The following SGK3 variants were observed in gnomAD, a reference collection of about 807,000 sequenced individuals.
The protein encoded by SGK3 is serum/glucocorticoid regulated kinase family member 3, also known as serine/threonine-protein kinase Sgk3.
Under a neutral mutation model 68.5 loss-of-function variants are expected in SGK3, and 47 were observed. The ratio of observed to expected loss-of-function variants is 0.69; its 90% CI spans 0.54 to 0.87. The LOEUF (loss-of-function observed/expected upper bound fraction) is 0.87. Among genes scored for constraint, SGK3 ranks in the 40% least tolerant of loss-of-function variants. The probability of loss-of-function intolerance (pLI) is 0.00; values close to 1 mark genes in which losing one functional copy is unlikely to be tolerated. For missense variants in SGK3, 479 were observed against 575.5 expected (o/e 0.83, Z 1.72); for synonymous variants, 181 against 189.1 (o/e 0.96, Z 0.35).
intron 1 of SGK3, among the ~76,000 whole-genome samples, chr8:66,749,965 G>GTA (rs1053861641): frequency 8.1e-4 from 121 of 149,302 alleles, no homozygotes; most frequent in Middle Eastern, 6.9e-3. Flanking sequence ...GTGTGTGTGT[G>GTA]TATGTGTGTA....
chr8:66,737,738 C>A (rs1805367011), intron 1 of SGK3: 2 of 151,788 alleles, frequency 1.3e-5, no homozygotes, highest in African/African-American at 4.9e-5. Context: ...GCCTCAGCCT[C>A]CAGAGTAGCT....
chr8:66,839,539 A>ATATATATATATATATATG lies in SGK3; in HGVS notation c.742-447_742-446insGTATATATATATATATAT, dbSNP rs1809700996. On this transcript the variant is annotated intron_variant, in intron 10 of 16. Coordinates refer to ENST00000521198, the MANE Select transcript of SGK3 (RefSeq NM_001033578.3). ...TATATATATATATATATATATATAT[A>ATATATATATATATATATG]TATATATATATATATATATTTTCAT... Among the ~76,000 whole-genome samples, 14 of 69,814 alleles carry ATATATATATATATATATG rather than the reference A, an allele frequency of 2.0e-4. 1 individual carries two copies. Among genetic ancestry groups the ATATATATATATATATATG allele is most frequent in the Non-Finnish European group, 3.7e-4 (13 of 34,930 alleles). The allele number at this position is 69,814 out of a possible 152,430, so 45.8% of individuals were successfully genotyped here. A position where few individuals can be genotyped will look rare whatever the true frequency, so the allele number is the denominator to read the frequency against.
At chr8:66,824,329 T>G (rs1015370059) in intron 6 of SGK3, among the ~76,000 whole-genome samples, 4 of 152,102 alleles carry the variant, frequency 2.6e-5, no homozygotes, top group African/African-American at 9.7e-5. Context: ...AGAATGATAC[T>G]TAACACCATA....
intron 16 of SGK3, among the ~76,000 whole-genome samples, chr8:66,857,296 G>C (rs998540072): frequency 1.3e-5 from 2 of 152,150 alleles, no homozygotes; most frequent in East Asian, 3.8e-4. Flanking sequence ...TCTCTGCTCA[G>C]TTTGTAGATG....
At chr8:66,799,201 C>T (rs1053198763) in intron 3 of SGK3, among the ~76,000 whole-genome samples, 1 of 152,202 alleles carries the variant, frequency 6.6e-6, no homozygotes, top group African/African-American at 2.4e-5. Flanking sequence ...TCATAATCTA[C>T]TGATGGCAGT....
intron 16 of SGK3, among the ~76,000 whole-genome samples, chr8:66,859,083 A>G (rs1449682294): frequency 6.6e-6 from 1 of 152,216 alleles, no homozygotes; most frequent in Non-Finnish European, 1.5e-5. Context: ...CTGTAATCCC[A>G]GCACTTTGGG....
intron 10 of SGK3, among the ~76,000 whole-genome samples, chr8:66,837,580 A>C (rs948899264): frequency 1.5e-4 from 23 of 152,172 alleles, no homozygotes; most frequent in African/African-American, 5.5e-4. Flanking sequence ...CAGGAGTTCA[A>C]GACTAGCCTG....
At chr8:66,783,873 G>T (rs1337776571) in intron 1 of SGK3, among the ~76,000 whole-genome samples, 1 of 151,926 alleles carries the variant, frequency 6.6e-6, no homozygotes, top group African/African-American at 2.4e-5. Flanking sequence ...TTATAGTTTT[G>T]TTTTTTGTTG....
intron 16 of SGK3, among the ~76,000 whole-genome samples, chr8:66,855,212 T>C (rs1810463020): frequency 6.6e-6 from 1 of 152,186 alleles, no homozygotes; most frequent in Admixed American, 6.5e-5. Context: ...ATTTATTGAT[T>C]GATTGATTGA....
intron 3 of SGK3, among the ~76,000 whole-genome samples, chr8:66,799,796 G>A (rs1347263486): frequency 2.0e-5 from 3 of 152,094 alleles, no homozygotes; most frequent in African/African-American, 7.2e-5. Context: ...TAGTGTTTTT[G>A]TAGTTTTAGT....
chr8:66,776,815 CATTA>C (rs935894694), intron 1 of SGK3, among the ~76,000 whole-genome samples: 47 of 152,278 alleles, frequency 3.1e-4, no homozygotes, highest in African/African-American at 1.0e-3. Context: ...AAAGTTGCTA[CATTA>C]ATTATTGCTT....
chr8:66,797,645 A>G (rs1807753347), intron 2 of SGK3, among the ~76,000 whole-genome samples: 1 of 152,208 alleles, frequency 6.6e-6, no homozygotes, highest in African/African-American at 2.4e-5. Context: ...CTGAGGATAA[A>G]TTCTTATTAA....
chr8:66,839,544 T>TATAG (rs1809703547), intron 10 of SGK3, among the ~76,000 whole-genome samples: 1 of 95,170 alleles, frequency 1.1e-5, no homozygotes, highest in Non-Finnish European at 2.0e-5. Context: ...TATATATATA[T>TATAG]ATATATATAT....
In SGK3 at chr8:66,847,194, C is replaced by G; in HGVS notation, c.1076C>G (p.Pro359Arg). The change falls in exon 15 of 17, where the codon CCT becomes CGT. Residue 359 changes from proline to arginine, a missense_variant and splice_region_variant. Coordinates refer to ENST00000521198, the MANE Select transcript of SGK3 (RefSeq NM_001033578.3). ...TATTTTGCTTTTTTTTTTTTCCAGC[C>G]TCCTTTTTATTGCCGAGATGTTGCT... Reference protein sequence around the residue: ...AVLYEMLYGLPPFYCRDVAEM... With the variant: ...AVLYEMLYGLRPFYCRDVAEM... The G allele has an allele frequency of 6.3e-7, 1 of 1,583,004 alleles. No homozygotes were observed. The highest frequency in any genetic ancestry group is 8.5e-7 in the Non-Finnish European group (1 of 1,169,796).
At chr8:66,745,504 G>A (rs1331968256) in intron 1 of SGK3, among the ~76,000 whole-genome samples, 3 of 152,130 alleles carry the variant, frequency 2.0e-5, no homozygotes, top group Non-Finnish European at 2.9e-5. Context: ...AACCCGGGAG[G>A]AGGAGCTTGT....
At position 66,763,751 on chromosome 8, in the gene SGK3, G is replaced by GT. The variant is rs532449345; in HGVS notation, c.-121-29858dup. ...TTCCAATTGAAATTCAGTACTACAG[G>GT]TTTTTTTGGTTTTTTTAAACCCAAG... On this transcript the variant is annotated intron_variant, in intron 1 of 16. Coordinates refer to ENST00000521198, the MANE Select transcript of SGK3 (RefSeq NM_001033578.3). Among the ~76,000 whole-genome samples the GT allele has an allele frequency of 4.2e-3, 637 of 151,662 alleles. 1 individual carries two copies. The highest frequency in any genetic ancestry group is 9.4e-3 in the South Asian group (45 of 4,794).
At chr8:66,729,372 C>T (rs1009798122) in intron 1 of SGK3, among the ~76,000 whole-genome samples, 15 of 143,056 alleles carry the variant, frequency 1.0e-4, no homozygotes, top group African/African-American at 2.1e-4. Flanking sequence ...ACGAGAATGG[C>T]GTGAACCAGG....
chr8:66,812,150 G>T (rs1808404310), intron 4 of SGK3, among the ~76,000 whole-genome samples: 2 of 152,246 alleles, frequency 1.3e-5, no homozygotes, highest in East Asian at 3.9e-4. Flanking sequence ...GTAGAAATAA[G>T]TTTACTAAAC....
chr8:66,794,477 CT>C (rs1009178799), intron 2 of SGK3, among the ~76,000 whole-genome samples: 11 of 151,280 alleles, frequency 7.3e-5, no homozygotes, highest in African/African-American at 2.4e-4. Context: ...CCTCCTCCCC[CT>C]GAAAAAAAAA....
Sources: allele counts gnomAD v4.1 joint callset (sites outside exome capture counted in the v4.1 genomes callset), GRCh38; gene constraint gnomAD v4.1.1; transcripts MANE v1.5; gene names NCBI Gene and HGNC (gene_info 2026-07-23, HGNC 2026-07-21).